The following TUBA4B variants were observed in gnomAD, a reference collection of about 807,000 sequenced individuals.
TUBA4B encodes tubulin-like protein alpha-4B.
A neutral mutation model predicts 18.4 loss-of-function variants in TUBA4B; 13 were observed. The observed-to-expected ratio is 0.71, with a 90% CI of 0.46 to 1.12. The LOEUF (loss-of-function observed/expected upper bound fraction) is 1.12. TUBA4B is among the 50% of genes most tolerant of loss of function. TUBA4B has a pLI of 0.00. For missense variants in TUBA4B, 244 were observed against 250.0 expected (o/e 0.98, Z 0.16); for synonymous variants, 101 against 99.1 (o/e 1.02, Z -0.11).
chr2:219,266,750 G>A (rs1362085241), intron 2 of TUBA4B, among the ~76,000 whole-genome samples, 184 bp downstream of exon 2: 3 of 152,150 alleles, frequency 2.0e-5, no homozygotes, highest in Non-Finnish European at 2.9e-5. Flanking sequence ...GGTGTGGGGG[G>A]CATCACAGGG....
chr2:219,271,777 G>T lies in TUBA4B; in HGVS notation c.*78G>T. 1 of 1,608,582 alleles carries T rather than the reference G, an allele frequency of 6.2e-7. No individual in the cohort carries two copies. The highest frequency in any genetic ancestry group is 8.5e-7 in the Non-Finnish European group (1 of 1,174,928). Reference sequence around the variant, plus strand: ...AGATGTGGTGCCCAAGGATGTCAACGCTGCCATTGCTGCCATCAAGACCAA... The same window carrying T: ...AGATGTGGTGCCCAAGGATGTCAACTCTGCCATTGCTGCCATCAAGACCAA... On this transcript the variant is annotated 3_prime_UTR_variant, in exon 4 of 4. Coordinates refer to ENST00000490341, the MANE Select transcript of TUBA4B (RefSeq NM_001355221.1).
intron 1 of TUBA4B, among the ~76,000 whole-genome samples, chr2:219,257,186 G>A (rs1005676229): frequency 4.6e-5 from 7 of 151,322 alleles, no homozygotes; most frequent in Non-Finnish European, 7.4e-5. Flanking sequence ...TGGGACTACA[G>A]GCATGTCCCA....
At chr2:219,266,609 G>A (rs1217885321) in intron 2 of TUBA4B, 43 bp downstream of exon 2, 1 of 701,816 alleles carries the variant, frequency 1.4e-6, no homozygotes, top group East Asian at 2.7e-5. Context: ...TGCAAGTGAG[G>A]GTCCCAGTGG....
rs938762861 is a variant in TUBA4B at position 219,272,072 on chromosome 2, G to A, written c.*373G>A. 6 of 1,237,492 alleles carry A rather than the reference G, an allele frequency of 4.8e-6. No individual in the cohort carries two copies. Among genetic ancestry groups the A allele is most frequent in the East Asian group, 2.5e-5 (1 of 40,218 alleles). 76.7% of individuals were successfully genotyped at this position (1,237,492 alleles called of 1,614,324 possible). A position where few individuals can be genotyped will look rare whatever the true frequency, so the allele number is the denominator to read the frequency against. On this transcript the variant is annotated 3_prime_UTR_variant, in exon 4 of 4. Transcript: ENST00000490341. Reference sequence around the variant, plus strand: ...AGGCCCATGAGGATATGACTGCCCTGGAGAAGGATTACAAGGAGGTGGGCA... The same window carrying A: ...AGGCCCATGAGGATATGACTGCCCTAGAGAAGGATTACAAGGAGGTGGGCA...
At chr2:219,264,530 T>G (rs1054260780) in intron 1 of TUBA4B, among the ~76,000 whole-genome samples, 3 of 151,966 alleles carry the variant, frequency 2.0e-5, no homozygotes, top group Admixed American at 2.0e-4. Context: ...CCAGCATCAC[T>G]GCTCTTGAGC....
chr2:219,271,756 G>A lies in TUBA4B; in HGVS notation c.*57G>A. On this transcript the variant is annotated 3_prime_UTR_variant, in exon 4 of 4. Coordinates refer to ENST00000490341, the MANE Select transcript of TUBA4B (RefSeq NM_001355221.1). ...CTGCTGCCTGCTATACCATGGAGAT[G>A]TGGTGCCCAAGGATGTCAACGCTGC... is the stretch of plus-strand genomic sequence containing the variant. The A allele has an allele frequency of 6.2e-7, 1 of 1,611,550 alleles. No individual in the cohort carries two copies. The highest frequency in any genetic ancestry group is 8.5e-7 in the Non-Finnish European group (1 of 1,177,540).
At chr2:219,260,883 G>T (rs950127312) in intron 1 of TUBA4B, among the ~76,000 whole-genome samples, 1 of 152,144 alleles carries the variant, frequency 6.6e-6, no homozygotes, top group African/African-American at 2.4e-5. Context: ...TGAGGCAGAA[G>T]AATCATTTGA....
chr2:219,258,395 G>A (rs1198258726), intron 1 of TUBA4B, among the ~76,000 whole-genome samples: 2 of 151,824 alleles, frequency 1.3e-5, no homozygotes, highest in Admixed American at 6.6e-5. Flanking sequence ...ATCTTGGCTC[G>A]CTGCAACCTC....
At chr2:219,261,027 C>T (rs1403334690) in intron 1 of TUBA4B, among the ~76,000 whole-genome samples, 1 of 151,900 alleles carries the variant, frequency 6.6e-6, no homozygotes, top group African/African-American at 2.4e-5. Context: ...ACTTTCCTCT[C>T]TCTCTCTCTC....
At chr2:219,261,734 A>G (rs1056902262) in intron 1 of TUBA4B, among the ~76,000 whole-genome samples, 2 of 152,180 alleles carry the variant, frequency 1.3e-5, no homozygotes, top group Non-Finnish European at 2.9e-5. Context: ...ACCCTAATGC[A>G]GTCTCCACAC....
intron 1 of TUBA4B, among the ~76,000 whole-genome samples, chr2:219,256,507 C>T (rs992743716): frequency 2.0e-5 from 3 of 152,114 alleles, no homozygotes; most frequent in African/African-American, 7.2e-5. Flanking sequence ...AGAATGCTAC[C>T]CCATAAAGAT....
In TUBA4B at chr2:219,271,201, G is replaced by A. The variant is rs1208871015; in HGVS notation, c.228G>A (p.Val76=). The A allele has an allele frequency of 1.8e-6, 2 of 1,092,004 alleles. No individual in the cohort carries two copies. Among genetic ancestry groups the A allele is most frequent in the Non-Finnish European group, 2.8e-6 (2 of 704,330 alleles). The allele number at this position is 1,092,004 out of a possible 1,614,324, so 67.6% of individuals were successfully genotyped here. A position where few individuals can be genotyped will look rare whatever the true frequency, so the allele number is the denominator to read the frequency against. Residue 76 remains valine, a synonymous_variant, in exon 4 of 4, where the codon GTG becomes GTA. Transcript: ENST00000490341. Reference sequence around the variant, plus strand: ...GCACAGGACTTCAGGGCTTCCTGGTGTTCCACAGCCTTGGTCGGGGCACTG... The same window carrying A: ...GCACAGGACTTCAGGGCTTCCTGGTATTCCACAGCCTTGGTCGGGGCACTG... ...DQCTGLQGFL[V]FHSLGRGTGS...
intron 1 of TUBA4B, among the ~76,000 whole-genome samples, chr2:219,255,727 G>T (rs548379771): frequency 1.0e-3 from 152 of 152,248 alleles, no homozygotes; most frequent in African/African-American, 3.6e-3. Flanking sequence ...CAGTGCCCCA[G>T]GTGCTGCTGG....
At chr2:219,257,856 T>A (rs555414266) in intron 1 of TUBA4B, among the ~76,000 whole-genome samples, 13 of 151,502 alleles carry the variant, frequency 8.6e-5, no homozygotes, top group Admixed American at 4.0e-4. Context: ...ATATATATAT[T>A]TTATAGATAT....
At chr2:219,261,985 C>T (rs931615974) in intron 1 of TUBA4B, among the ~76,000 whole-genome samples, 4 of 152,190 alleles carry the variant, frequency 2.6e-5, no homozygotes, top group East Asian at 1.9e-4. Flanking sequence ...GATCTTGCCT[C>T]GCTGACTCCT....
At chr2:219,264,129 C>T (rs1014171626) in intron 1 of TUBA4B, among the ~76,000 whole-genome samples, 3 of 151,994 alleles carry the variant, frequency 2.0e-5, no homozygotes, top group Non-Finnish European at 2.9e-5. Flanking sequence ...TACATATGAC[C>T]AAGTTTAATT....
chr2:219,271,890 C>A lies in TUBA4B; in HGVS notation c.*191C>A. ...CTCCCACTGTGGTGCCTGGGAGTGA[C>A]CTGGTAAAGTGCAACGTGCCATGTG... On this transcript the variant is annotated 3_prime_UTR_variant, in exon 4 of 4. Coordinates refer to ENST00000490341, the MANE Select transcript of TUBA4B (RefSeq NM_001355221.1). 1 of 1,452,366 alleles carries A rather than the reference C, an allele frequency of 6.9e-7. No homozygotes were observed. The highest frequency in any genetic ancestry group is 9.7e-7 in the Non-Finnish European group (1 of 1,033,130). 90.0% of individuals were successfully genotyped at this position (1,452,366 alleles called of 1,614,324 possible).
At chr2:219,253,949 G>A in intron 1 of TUBA4B, 3 of 1,165,668 alleles carry the variant, frequency 2.6e-6, no homozygotes, top group Non-Finnish European at 3.3e-6. Context: ...GCCCTTATAG[G>A]CGGGGGGGGG....
chr2:219,262,031 G>A (rs1177576582), intron 1 of TUBA4B, among the ~76,000 whole-genome samples: 1 of 152,206 alleles, frequency 6.6e-6, no homozygotes, highest in Non-Finnish European at 1.5e-5. Context: ...TCACCTTCTG[G>A]CCGGGTGTAG....
Sources: allele counts gnomAD v4.1 joint callset (sites outside exome capture counted in the v4.1 genomes callset), GRCh38; gene constraint gnomAD v4.1.1; transcripts MANE v1.5; gene names NCBI Gene and HGNC (gene_info 2026-07-23, HGNC 2026-07-21).